Variants in PRKD1 observed in about 807,000 individuals in gnomAD.
PRKD1 encodes the protein protein kinase D1, also known as serine/threonine-protein kinase D1.
Under a neutral mutation model 95.9 loss-of-function variants are expected in PRKD1, and 63 were observed. The observed-to-expected ratio is 0.66, with a 90% CI of 0.54 to 0.81. PRKD1 has a LOEUF of 0.81. PRKD1 is among the 30% of genes least tolerant of loss of function. The probability of loss-of-function intolerance (pLI) is 0.00; values close to 1 mark genes in which losing one functional copy is unlikely to be tolerated. For synonymous variants in PRKD1, 425 were observed against 423.1 expected (o/e 1.00, Z -0.05); for missense variants, 1,048 against 1,165.3 (o/e 0.90, Z 1.47).
intron 2 of PRKD1, among the ~76,000 whole-genome samples, chr14:29,681,738 A>G (rs1487510637): frequency 6.6e-6 from 1 of 152,204 alleles, no homozygotes; most frequent in Non-Finnish European, 1.5e-5. Context: ...CAAATAAAAT[A>G]ATAAACTGAG....
chr14:29,853,673 A>G (rs1285135586), intron 1 of PRKD1, among the ~76,000 whole-genome samples: 1 of 152,228 alleles, frequency 6.6e-6, no homozygotes, highest in Non-Finnish European at 1.5e-5. Flanking sequence ...CTTTGATAAT[A>G]GAGGATACAT....
At chr14:29,912,242 T>G (rs1462949676) in intron 1 of PRKD1, among the ~76,000 whole-genome samples, 1 of 152,204 alleles carries the variant, frequency 6.6e-6, no homozygotes, top group East Asian at 1.9e-4. Flanking sequence ...GTTCCAGGGA[T>G]TAGGATGTAG....
chr14:29,732,797 T>C (rs1488910972), intron 1 of PRKD1, among the ~76,000 whole-genome samples: 1 of 152,064 alleles, frequency 6.6e-6, no homozygotes, highest in African/African-American at 2.4e-5. Context: ...TTATTTCTGA[T>C]GAGAAGTATG....
intron 1 of PRKD1, among the ~76,000 whole-genome samples, chr14:29,893,566 A>G (rs933422353): frequency 6.6e-6 from 1 of 152,210 alleles, no homozygotes; most frequent in African/African-American, 2.4e-5. Flanking sequence ...CAGTCACAAA[A>G]GTTATAATAA....
chr14:29,804,608 C>T (rs1254329085), intron 1 of PRKD1, among the ~76,000 whole-genome samples: 2 of 151,188 alleles, frequency 1.3e-5, no homozygotes, highest in Non-Finnish European at 2.9e-5. Context: ...AAAAATGCAT[C>T]CTAATGTTTA....
At chr14:29,776,454 C>A (rs2139153916) in intron 1 of PRKD1, among the ~76,000 whole-genome samples, 1 of 152,206 alleles carries the variant, frequency 6.6e-6, no homozygotes, top group East Asian at 1.9e-4. Context: ...CCTTAAATGA[C>A]CTGATGGAGC....
At chr14:29,820,604 T>C (rs946197338) in intron 1 of PRKD1, among the ~76,000 whole-genome samples, 6 of 152,138 alleles carry the variant, frequency 3.9e-5, no homozygotes, top group African/African-American at 1.2e-4. Flanking sequence ...GGTGTTTTCA[T>C]TGAATAATAA....
At chr14:29,623,988 G>A (rs778941123) in intron 13 of PRKD1, among the ~76,000 whole-genome samples, 164 bp downstream of exon 13, 7 of 152,134 alleles carry the variant, frequency 4.6e-5, no homozygotes, top group African/African-American at 9.7e-5. Context: ...ACTCAGGAAA[G>A]ATACTATTGA....
At chr14:29,813,503 G>A (rs1310842637) in intron 1 of PRKD1, among the ~76,000 whole-genome samples, 1 of 152,154 alleles carries the variant, frequency 6.6e-6, no homozygotes, top group African/African-American at 2.4e-5. Context: ...TTAGGACTTT[G>A]TATTGTGAGT....
intron 4 of PRKD1, among the ~76,000 whole-genome samples, chr14:29,654,565 GA>G: frequency 6.6e-6 from 1 of 152,190 alleles, no homozygotes; most frequent in African/African-American, 2.4e-5. Context: ...ATTTAAAATG[GA>G]AACAGGAGGA....
intron 2 of PRKD1, among the ~76,000 whole-genome samples, chr14:29,673,404 C>T (rs921600266): frequency 1.3e-5 from 2 of 152,222 alleles, no homozygotes; most frequent in Non-Finnish European, 2.9e-5. Flanking sequence ...GTTTTGCATA[C>T]ATACTTCTCA....
intron 1 of PRKD1, among the ~76,000 whole-genome samples, chr14:29,819,719 A>C (rs192892493): frequency 3.3e-5 from 5 of 150,360 alleles, no homozygotes; most frequent in Admixed American, 1.3e-4. Flanking sequence ...AATAACATAA[A>C]ATAAAATAAA....
At chr14:29,781,179 AC>A (rs1228596540) in intron 1 of PRKD1, among the ~76,000 whole-genome samples, 5 of 151,644 alleles carry the variant, frequency 3.3e-5, no homozygotes, top group African/African-American at 1.2e-4. Flanking sequence ...TAGGAGATAT[AC>A]CTAATGTAAA....
At chr14:29,757,021 A>G (rs1444167158) in intron 1 of PRKD1, among the ~76,000 whole-genome samples, 1 of 152,184 alleles carries the variant, frequency 6.6e-6, no homozygotes, top group Non-Finnish European at 1.5e-5. Flanking sequence ...AAAAGAGTAA[A>G]TATCATTTAT....
At chr14:29,878,259 T>G (rs1156232158) in intron 1 of PRKD1, among the ~76,000 whole-genome samples, 1 of 150,488 alleles carries the variant, frequency 6.6e-6, no homozygotes, top group Non-Finnish European at 1.5e-5. Flanking sequence ...GACACAAGTT[T>G]GCCTATATAA....
chr14:29,621,197 TG>T (rs1289569596), intron 13 of PRKD1, among the ~76,000 whole-genome samples: 4 of 33,260 alleles, frequency 1.2e-4, no homozygotes, highest in East Asian at 2.0e-3. Flanking sequence ...TGTTGTGGGA[TG>T]GGGGGAGGGG....
At chr14:29,748,762 T>G (rs1283438321) in intron 1 of PRKD1, among the ~76,000 whole-genome samples, 2 of 151,966 alleles carry the variant, frequency 1.3e-5, no homozygotes, top group Non-Finnish European at 2.9e-5. Context: ...CAATAGAAAA[T>G]TAAAGAAATA....
chr14:29,632,802 T>A (rs1481705314), intron 9 of PRKD1, 67 bp downstream of exon 9: 1 of 1,407,434 alleles, frequency 7.1e-7, no homozygotes, highest in African/African-American at 1.4e-5. Context: ...TCCTATTTCT[T>A]ATACTCTACA....
chr14:29,820,651 G>A (rs1890876046), intron 1 of PRKD1, among the ~76,000 whole-genome samples: 1 of 152,140 alleles, frequency 6.6e-6, no homozygotes, highest in Non-Finnish European at 1.5e-5. Flanking sequence ...CATCTCCTGG[G>A]AATATGGATA....
Sources: allele counts gnomAD v4.1 joint callset (sites outside exome capture counted in the v4.1 genomes callset), GRCh38; gene constraint gnomAD v4.1.1; transcripts MANE v1.5; gene names NCBI Gene and HGNC (gene_info 2026-07-23, HGNC 2026-07-21).